The following POF1B variants were observed in gnomAD, a reference collection of about 807,000 sequenced individuals.
POF1B encodes protein POF1B.
Under a neutral mutation model 55.3 loss-of-function variants are expected in POF1B, and 53 were observed. That is an observed-to-expected ratio of 0.96 (90% confidence interval 0.77 to 1.20). The LOEUF (loss-of-function observed/expected upper bound fraction) is 1.20. Ranked by LOEUF, POF1B falls within the 50% of genes most tolerant of loss-of-function variation. The pLI is 0.00. For missense variants in POF1B, 478 were observed against 420.5 expected (o/e 1.14, Z -1.20); for synonymous variants, 188 against 148.3 (o/e 1.27, Z -1.95).
rs1326803820 is a variant in POF1B at position 85,277,782 on chromosome X, T to C, written c.*1639A>G. 9.0e-6 allele frequency: 1 copy of C among 111,124 alleles called. No homozygotes were observed. Among genetic ancestry groups the C allele is most frequent in the African/African-American group, 3.3e-5 (1 of 30,612 alleles). The allele number at this position is 111,124 out of a possible 1,213,427, so 9.2% of individuals were successfully genotyped here. A position where few individuals can be genotyped will look rare whatever the true frequency, so the allele number is the denominator to read the frequency against. The stretch of plus-strand genomic sequence containing the variant: ...TTGACACTATTATTTTTAAGTATTT[T>C]GGAAAACTCACACCTGTTCTCATTT... On this transcript the variant is annotated 3_prime_UTR_variant, in exon 17 of 17. Transcript: ENST00000262753.
intron 6 of POF1B, among the ~76,000 whole-genome samples, chrX:85,334,511 G>A (rs1333451129): frequency 9.0e-6 from 1 of 110,833 alleles, no homozygotes; most frequent in Non-Finnish European, 1.9e-5. Context: ...ACGTTTAATC[G>A]GATCACTATT....
intron 6 of POF1B, among the ~76,000 whole-genome samples, chrX:85,334,410 A>G (rs929016657): frequency 8.9e-6 from 1 of 111,829 alleles, no homozygotes; most frequent in Non-Finnish European, 1.9e-5. Flanking sequence ...GGCTGTGCTG[A>G]AGAATATAAA....
chrX:85,293,878 G>A (rs1231686773), intron 15 of POF1B, among the ~76,000 whole-genome samples: 7 of 109,897 alleles, frequency 6.4e-5, no homozygotes, highest in Non-Finnish European at 9.5e-5. Flanking sequence ...GGAGGCTGAG[G>A]CAGAAGAATC....
chrX:85,364,486 T>G (rs1933681400), intron 3 of POF1B, among the ~76,000 whole-genome samples: 1 of 111,942 alleles, frequency 8.9e-6, no homozygotes, highest in Admixed American at 9.5e-5. Flanking sequence ...GAAAATAATC[T>G]TATTTCTCCT....
intron 6 of POF1B, among the ~76,000 whole-genome samples, chrX:85,335,151 C>T (rs1019572321): frequency 9.0e-6 from 1 of 110,804 alleles, no homozygotes. Context: ...GATTATAAAG[C>T]GCTTAAAATG....
chrX:85,351,222 A>G, intron 5 of POF1B, 128 bp downstream of exon 5: 1 of 413,539 alleles, frequency 2.4e-6, no homozygotes, highest in Non-Finnish European at 4.2e-6. Context: ...GGCTGTAGAT[A>G]TCATAGCATA....
At chrX:85,303,385 T>A in intron 15 of POF1B, 21 bp downstream of exon 15, 1 of 1,030,911 alleles carries the variant, frequency 9.7e-7, no homozygotes, top group Non-Finnish European at 1.3e-6. Flanking sequence ...TATATTCAAA[T>A]TTCATTTAAA....
rs1232541122 is a variant in POF1B, at chrX:85,345,969, T to G, written c.614A>C (p.Gln205Pro). 1 of 1,207,823 alleles carries G rather than the reference T, an allele frequency of 8.3e-7. No individual in the cohort carries two copies. Among genetic ancestry groups the G allele is most frequent in the African/African-American group, 1.7e-5 (1 of 57,463 alleles). The stretch of plus-strand genomic sequence containing the variant: ...GATTTGCTGGCTAGAATCAGGTTGT[T>G]GCCAGTGTGCAGAGTGGATGACCTG... ...QPQVIHSAHW[Q>P]QPDSSQQIQA... The change falls in exon 6 of 17, where the codon CAA (glutamine) becomes CCA (proline). Residue 205 changes from glutamine to proline, a missense_variant. Transcript: ENST00000262753.
Position 85,303,440 on chromosome X carries a change from A to T in POF1B, c.1615T>A (p.Ser539Thr), listed in dbSNP as rs1932503515. The T allele has an allele frequency of 8.4e-7, 1 of 1,194,191 alleles. No individual in the cohort carries two copies. The stretch of plus-strand genomic sequence containing the variant: ...GTAATAGTAGTCCTTCCACCAGTGG[A>T]GGGTTGGTTATGAGAGGAATATATT... ...QEIYSSHNQP[S>T]TGGRTTITTK... The change falls in exon 15 of 17, where the codon TCC becomes ACC. Residue 539 changes from serine (S) to threonine (T), a missense_variant. Transcript: ENST00000262753.
intron 3 of POF1B, among the ~76,000 whole-genome samples, chrX:85,366,475 T>C (rs963349619): frequency 8.9e-6 from 1 of 111,823 alleles, no homozygotes; most frequent in Non-Finnish European, 1.9e-5. Flanking sequence ...TTAATAGTTC[T>C]AAAATTTACT....
chrX:85,330,521 T>G (rs1345253642), intron 7 of POF1B, among the ~76,000 whole-genome samples: 1 of 111,772 alleles, frequency 8.9e-6, no homozygotes, highest in Non-Finnish European at 1.9e-5. Context: ...CCCAAGATGT[T>G]GCTTGTGCCA....
intron 6 of POF1B, among the ~76,000 whole-genome samples, chrX:85,332,166 C>T (rs759060690): frequency 9.0e-6 from 1 of 111,586 alleles, no homozygotes; most frequent in African/African-American, 3.2e-5. Flanking sequence ...GAAAGTCAGC[C>T]TGATTTGTTA....
chrX:85,365,256 T>C (rs1180637123), intron 3 of POF1B, among the ~76,000 whole-genome samples: 1 of 112,122 alleles, frequency 8.9e-6, no homozygotes, highest in Non-Finnish European at 1.9e-5. Context: ...ATTTCTGTTA[T>C]TTCAGCCAGT....
chrX:85,283,927 A>T (rs1931971763), intron 15 of POF1B, among the ~76,000 whole-genome samples: 1 of 111,538 alleles, frequency 9.0e-6, no homozygotes, highest in African/African-American at 3.3e-5. Flanking sequence ...AATGTAAAAA[A>T]TCTCCTTAAG....
At chrX:85,310,070 G>T (rs1479555017) in intron 9 of POF1B, among the ~76,000 whole-genome samples, 1 of 111,508 alleles carries the variant, frequency 9.0e-6, no homozygotes, top group Admixed American at 9.6e-5. Flanking sequence ...CATAAAAATG[G>T]CCAGGTCTCC....
At chrX:85,292,747 A>G (rs2147895133) in intron 15 of POF1B, among the ~76,000 whole-genome samples, 1 of 111,242 alleles carries the variant, frequency 9.0e-6, no homozygotes, top group African/African-American at 3.3e-5. Context: ...CAACCTACAG[A>G]ATGGACAAAA....
chrX:85,307,503 G>A (rs1932602843), intron 10 of POF1B, among the ~76,000 whole-genome samples: 1 of 111,715 alleles, frequency 9.0e-6, no homozygotes. Flanking sequence ...TACATGAAAT[G>A]AAGCACAACC....
intron 2 of POF1B, among the ~76,000 whole-genome samples, chrX:85,368,367 A>G (rs1453999605): frequency 1.8e-5 from 2 of 111,356 alleles, no homozygotes; most frequent in Non-Finnish European, 3.8e-5. Context: ...GTATCAGAAC[A>G]TCTTATGCAC....
chrX:85,280,364 C>A (rs1443536585), intron 16 of POF1B, among the ~76,000 whole-genome samples: 3 of 111,294 alleles, frequency 2.7e-5, no homozygotes, highest in Admixed American at 1.9e-4. Context: ...CTATTGCTCA[C>A]CACGGTACAC....
Sources: allele counts gnomAD v4.1 joint callset (sites outside exome capture counted in the v4.1 genomes callset), GRCh38; gene constraint gnomAD v4.1.1; transcripts MANE v1.5; gene names NCBI Gene and HGNC (gene_info 2026-07-23, HGNC 2026-07-21).